MARCHF1: variants seen among roughly 807,000 people sequenced by gnomAD.
MARCHF1 encodes the protein membrane associated ring-CH-type finger 1.
Under a neutral mutation model 54.2 loss-of-function variants are expected in MARCHF1, and 40 were observed. The ratio of observed to expected loss-of-function variants is 0.74; its 90% CI spans 0.57 to 0.96. The LOEUF (loss-of-function observed/expected upper bound fraction) is 0.96, where lower values mean the gene tolerates loss of function less well. Among genes scored for constraint, MARCHF1 ranks in the 40% least tolerant of loss-of-function variants. The pLI, the probability that MARCHF1 is intolerant of heterozygous loss-of-function variation, is 0.00. For synonymous variants in MARCHF1, 236 were observed against 236.3 expected, an observed-to-expected ratio of 1.00 and a Z score of 0.01; for missense variants, 586 against 656.5, an observed-to-expected ratio of 0.89 and a Z score of 1.17.
intron 1 of MARCHF1, among the ~76,000 whole-genome samples, chr4:164,278,262 A>T (rs1304148589): frequency 2.6e-5 from 4 of 152,322 alleles, no homozygotes; most frequent in African/African-American, 7.2e-5. Context: ...ATGAGCTGTG[A>T]TCGCACCACT....
chr4:163,798,916 C>T (rs1313596004), intron 4 of MARCHF1, among the ~76,000 whole-genome samples: 4 of 152,052 alleles, frequency 2.6e-5, no homozygotes, highest in African/African-American at 9.6e-5. Flanking sequence ...TAACTTCTAG[C>T]GCATGCCCGG....
intron 2 of MARCHF1, among the ~76,000 whole-genome samples, chr4:164,046,035 G>C (rs1650736154): frequency 6.6e-6 from 1 of 152,032 alleles, no homozygotes; most frequent in Non-Finnish European, 1.5e-5. Context: ...GAGTAGCCTG[G>C]GTATGATCAT....
intron 8 of MARCHF1, among the ~76,000 whole-genome samples, chr4:163,567,514 T>C (rs576246506): frequency 3.8e-4 from 58 of 152,260 alleles, no homozygotes; most frequent in African/African-American, 1.3e-3. Flanking sequence ...ATAATTCCCA[T>C]GTGTTTTGGG....
At chr4:163,830,317 T>G (rs1309961979) in intron 4 of MARCHF1, among the ~76,000 whole-genome samples, 1 of 150,712 alleles carries the variant, frequency 6.6e-6, no homozygotes, top group Non-Finnish European at 1.5e-5. Flanking sequence ...AATTCATATA[T>G]TTTATAAATA....
At chr4:163,786,398 G>A (rs1216107747) in intron 4 of MARCHF1, among the ~76,000 whole-genome samples, 3 of 151,910 alleles carry the variant, frequency 2.0e-5, no homozygotes, top group African/African-American at 7.2e-5. Flanking sequence ...ACTGGTAAGA[G>A]AAAACAAATA....
intron 3 of MARCHF1, among the ~76,000 whole-genome samples, chr4:163,877,506 CA>C (rs1370472076): frequency 6.8e-6 from 1 of 146,614 alleles, no homozygotes; most frequent in Non-Finnish European, 1.5e-5. Flanking sequence ...GATTGAGAAT[CA>C]CTGGTCTACA....
chr4:164,331,893 G>T (rs41509150), intron 1 of MARCHF1, among the ~76,000 whole-genome samples: 2 of 151,970 alleles, frequency 1.3e-5, no homozygotes. Flanking sequence ...TGTGCTTATC[G>T]TTTAGAAATC....
At chr4:164,196,997 C>T (rs1454652697) in intron 1 of MARCHF1, 6 of 1,604,692 alleles carry the variant, frequency 3.7e-6, no homozygotes, top group South Asian at 3.3e-5. Flanking sequence ...TCTCCCTCAT[C>T]TTCAGGTTCT....
chr4:163,539,137 C>T (rs1349667425), intron 9 of MARCHF1, among the ~76,000 whole-genome samples: 2 of 152,118 alleles, frequency 1.3e-5, no homozygotes, highest in African/African-American at 2.4e-5. Flanking sequence ...TTCCTGGCCT[C>T]AGCCTCCTGA....
chr4:164,204,461 AAAT>A (rs1368014250), intron 1 of MARCHF1, among the ~76,000 whole-genome samples: 1 of 152,214 alleles, frequency 6.6e-6, no homozygotes, highest in Non-Finnish European at 1.5e-5. Context: ...GGCAAAGGGA[AAAT>A]AATATGAGCT....
chr4:164,141,990 G>T (rs1015584930), intron 1 of MARCHF1, among the ~76,000 whole-genome samples: 2 of 143,978 alleles, frequency 1.4e-5, no homozygotes, highest in South Asian at 2.2e-4. Context: ...AAAGTAGGGC[G>T]AGGCATTGCC....
rs56936775 is a variant in MARCHF1 at position 164,346,604 on chromosome 4, GTATATATATA to G, written c.-323+37256_-323+37265del. Among the ~76,000 whole-genome samples, 25 of 42,554 alleles carry G rather than the reference GTATATATATA, an allele frequency of 5.9e-4. 1 individual carries two copies. Among genetic ancestry groups the G allele is most frequent in the East Asian group, 2.9e-3 (3 of 1,040 alleles). The allele number at this position is 42,554 out of a possible 152,430, so 27.9% of individuals were successfully genotyped here. On this transcript the variant is annotated intron_variant, in intron 1 of 9. Transcript: ENST00000514618. The stretch of plus-strand genomic sequence containing the variant: ...TGTCCTCAAACCTGTATGTATGTAT[GTATATATATA>G]TATATATATATATATATATATATAT...
chr4:164,374,813 C>T (rs1369368728), intron 1 of MARCHF1, among the ~76,000 whole-genome samples: 2 of 152,014 alleles, frequency 1.3e-5, no homozygotes, highest in African/African-American at 4.8e-5. Context: ...TAAAATAAGA[C>T]ATACTCATGA....
intron 3 of MARCHF1, among the ~76,000 whole-genome samples, chr4:163,952,312 A>C (rs1450316676): frequency 6.6e-6 from 1 of 152,116 alleles, no homozygotes; most frequent in Non-Finnish European, 1.5e-5. Context: ...GACATGTGAA[A>C]TCTCTGTTGG....
intron 3 of MARCHF1, among the ~76,000 whole-genome samples, chr4:163,882,132 G>A (rs1409912107): frequency 6.6e-6 from 1 of 152,166 alleles, no homozygotes; most frequent in Non-Finnish European, 1.5e-5. Flanking sequence ...ACTTCACAGA[G>A]CAGAGATTAA....
chr4:163,751,827 T>TGA (rs139079372), intron 4 of MARCHF1, among the ~76,000 whole-genome samples: 16 of 151,428 alleles, frequency 1.1e-4, no homozygotes, highest in South Asian at 2.1e-4. Flanking sequence ...TGTGTGTGTG[T>TGA]GATGAGGAAA....
At chr4:163,611,142 C>G (rs1741325787) in intron 7 of MARCHF1, among the ~76,000 whole-genome samples, 1 of 151,994 alleles carries the variant, frequency 6.6e-6, no homozygotes, top group Non-Finnish European at 1.5e-5. Flanking sequence ...AAATTATAAG[C>G]TGTAAGATGT....
intron 5 of MARCHF1, among the ~76,000 whole-genome samples, chr4:163,630,500 C>A (rs2110989427): frequency 6.6e-6 from 1 of 152,262 alleles, no homozygotes; most frequent in East Asian, 1.9e-4. Context: ...GTCTTGATTG[C>A]AGCAGAGTTT....
intron 1 of MARCHF1, among the ~76,000 whole-genome samples, chr4:164,277,958 C>A (rs1733927996): frequency 6.6e-6 from 1 of 151,970 alleles, no homozygotes; most frequent in Admixed American, 6.6e-5. Flanking sequence ...ATGTTTGCTC[C>A]CAATTAAGGA....
Sources: allele counts gnomAD v4.1 joint callset (sites outside exome capture counted in the v4.1 genomes callset), GRCh38; gene constraint gnomAD v4.1.1; transcripts MANE v1.5; gene names NCBI Gene and HGNC (gene_info 2026-07-23, HGNC 2026-07-21).